Variants in RBFOX1 observed in about 807,000 individuals in gnomAD.
RBFOX1 encodes the protein RNA binding fox-1 homolog 1, also known as RNA binding protein fox-1 homolog 1.
RBFOX1 carries 8 observed loss-of-function variants against 57.7 expected under a neutral mutation model. The observed-to-expected ratio is 0.14, with a 90% CI of 0.08 to 0.25. The LOEUF is 0.25. Ranked by LOEUF, RBFOX1 falls within the 10% of genes least tolerant of loss-of-function variation. The pLI is 1.00. For synonymous variants in RBFOX1, 326 were observed against 222.4 expected (o/e 1.47, Z -4.15); for missense variants, 611 against 548.5 (o/e 1.11, Z -1.14).
chr16:6,616,123 A>G (rs2098137624), intron 2 of RBFOX1, among the ~76,000 whole-genome samples: 2 of 152,200 alleles, frequency 1.3e-5, no homozygotes, highest in South Asian at 2.1e-4. Flanking sequence ...AATCTTTTAT[A>G]GGAAGTGTCA....
chr16:6,150,282 C>G (rs1010977376), intron 1 of RBFOX1, among the ~76,000 whole-genome samples: 1 of 151,902 alleles, frequency 6.6e-6, no homozygotes, highest in Non-Finnish European at 1.5e-5. Context: ...GGAAGTTTAC[C>G]CAGATTGTTA....
intron 13 of RBFOX1, among the ~76,000 whole-genome samples, chr16:7,675,648 C>T (rs1420508567): frequency 2.0e-5 from 3 of 152,188 alleles, no homozygotes; most frequent in Non-Finnish European, 2.9e-5. Context: ...CCTGCTTCAT[C>T]TATGTCTTAT....
At chr16:6,727,072 G>A (rs12448868) in intron 3 of RBFOX1, among the ~76,000 whole-genome samples, 7 of 148,092 alleles carry the variant, frequency 4.7e-5, no homozygotes, top group Non-Finnish European at 1.0e-4. Flanking sequence ...CACAGACACA[G>A]AGAGAGACAC....
intron 9 of RBFOX1, among the ~76,000 whole-genome samples, chr16:7,603,148 A>G (rs1399326315): frequency 6.6e-6 from 1 of 152,230 alleles, no homozygotes; most frequent in Non-Finnish European, 1.5e-5. Context: ...AACCGGGACA[A>G]CAGTCATCCC....
chr16:7,684,794 A>T, intron 14 of RBFOX1, among the ~76,000 whole-genome samples: 1 of 152,106 alleles, frequency 6.6e-6, no homozygotes, highest in East Asian at 1.9e-4. Flanking sequence ...ACCAAACAGA[A>T]TATGAGCCCA....
chr16:7,511,897 T>C (rs1476481347), intron 4 of RBFOX1, among the ~76,000 whole-genome samples: 1 of 152,186 alleles, frequency 6.6e-6, no homozygotes, highest in Non-Finnish European at 1.5e-5. Context: ...TTGGCCTTCT[T>C]TCATCCTCCT....
chr16:7,037,022 C>T (rs1395635534), intron 3 of RBFOX1, among the ~76,000 whole-genome samples: 3 of 152,074 alleles, frequency 2.0e-5, no homozygotes, highest in African/African-American at 7.2e-5. Context: ...GTCATGGTGC[C>T]AGTGGGAGTG....
At chr16:6,149,823 C>T (rs2096785147) in intron 1 of RBFOX1, among the ~76,000 whole-genome samples, 1 of 152,168 alleles carries the variant, frequency 6.6e-6, no homozygotes, top group South Asian at 2.1e-4. Context: ...ACGTTTATGG[C>T]CTAATAGCTT....
intron 3 of RBFOX1, among the ~76,000 whole-genome samples, chr16:6,778,763 C>G (rs1440371626): frequency 6.6e-6 from 1 of 151,878 alleles, no homozygotes; most frequent in Non-Finnish European, 1.5e-5. Flanking sequence ...TGTGAATTTT[C>G]TTGTTTATCG....
At chr16:5,978,567 C>A (rs759345237) in intron 4 of RBFOX1, among the ~76,000 whole-genome samples, 1 of 152,142 alleles carries the variant, frequency 6.6e-6, no homozygotes, top group Non-Finnish European at 1.5e-5. Flanking sequence ...TGTTTCTATT[C>A]CAAATCCAAG....
chr16:7,543,059 G>C (rs2083397155), intron 5 of RBFOX1, among the ~76,000 whole-genome samples: 1 of 152,146 alleles, frequency 6.6e-6, no homozygotes, highest in African/African-American at 2.4e-5. Context: ...TATAGGTGGG[G>C]GAAAGAGGTT....
At chr16:6,246,740 G>T (rs1170822272) in intron 1 of RBFOX1, among the ~76,000 whole-genome samples, 1 of 152,192 alleles carries the variant, frequency 6.6e-6, no homozygotes, top group Non-Finnish European at 1.5e-5. Flanking sequence ...GTCCAGGCTG[G>T]TGCTGCCGCG....
chr16:6,416,514 A>C (rs545300257), intron 2 of RBFOX1, among the ~76,000 whole-genome samples: 2 of 151,766 alleles, frequency 1.3e-5, no homozygotes, highest in East Asian at 3.9e-4. Flanking sequence ...TTTTTTACTG[A>C]AAGAGATTGT....
At chr16:6,974,925 C>G (rs1325900636) in intron 3 of RBFOX1, among the ~76,000 whole-genome samples, 1 of 152,108 alleles carries the variant, frequency 6.6e-6, no homozygotes, top group African/African-American at 2.4e-5. Context: ...GACCCTCCCT[C>G]TTTTAAAACA....
intron 4 of RBFOX1, among the ~76,000 whole-genome samples, chr16:7,343,609 C>T (rs570293237): frequency 6.6e-6 from 1 of 152,152 alleles, no homozygotes; most frequent in Admixed American, 6.5e-5. Context: ...TGTTTTTAGG[C>T]ATTTACTATA....
intron 3 of RBFOX1, among the ~76,000 whole-genome samples, chr16:7,014,121 T>A (rs910418406): frequency 1.2e-4 from 19 of 152,188 alleles, no homozygotes; most frequent in Non-Finnish European, 2.1e-4. Context: ...CAGGCAATTG[T>A]GTATGCAGAA....
At chr16:6,910,779 C>A (rs1453954314) in intron 3 of RBFOX1, among the ~76,000 whole-genome samples, 1 of 152,168 alleles carries the variant, frequency 6.6e-6, no homozygotes, top group Admixed American at 6.5e-5. Flanking sequence ...CCATCAGATC[C>A]TACGTCTGAG....
At chr16:5,807,710 A>G (rs1423911926) in intron 3 of RBFOX1, among the ~76,000 whole-genome samples, 1 of 152,206 alleles carries the variant, frequency 6.6e-6, no homozygotes. Flanking sequence ...TGAAGTCTAC[A>G]TCGGTGCATC....
intron 10 of RBFOX1, among the ~76,000 whole-genome samples, chr16:7,621,169 G>A (rs562368459): frequency 1.1e-4 from 17 of 152,208 alleles, no homozygotes; most frequent in African/African-American, 3.9e-4. Context: ...TAACTTTGAA[G>A]GACAAACATC....
Sources: allele counts gnomAD v4.1 joint callset (sites outside exome capture counted in the v4.1 genomes callset), GRCh38; gene constraint gnomAD v4.1.1; transcripts MANE v1.5; gene names NCBI Gene and HGNC (gene_info 2026-07-23, HGNC 2026-07-21).